The following KCNH7 variants were observed in gnomAD, a reference collection of about 807,000 sequenced individuals.
KCNH7 encodes the protein potassium voltage-gated channel subfamily H member 7, also known as voltage-gated inwardly rectifying potassium channel KCNH7.
KCNH7 carries 49 observed loss-of-function variants against 120.8 expected under a neutral mutation model. The ratio of observed to expected loss-of-function variants is 0.41; its 90% CI spans 0.32 to 0.51. The LOEUF (loss-of-function observed/expected upper bound fraction) is 0.51, where lower values mean the gene tolerates loss of function less well. Ranked by LOEUF, KCNH7 falls within the 20% of genes least tolerant of loss-of-function variation. The pLI is 0.38. For missense variants in KCNH7, 1,097 were observed against 1,446.6 expected (o/e 0.76, Z 3.92); for synonymous variants, 547 against 516.1 (o/e 1.06, Z -0.81).
intron 2 of KCNH7, among the ~76,000 whole-genome samples, chr2:162,698,668 A>G (rs1234883208): frequency 1.3e-5 from 2 of 152,100 alleles, no homozygotes; most frequent in Admixed American, 1.3e-4. Context: ...ATTTACTTAG[A>G]GGAAAAATTA....
chr2:162,578,038 CA>C (rs1693747164), intron 2 of KCNH7, among the ~76,000 whole-genome samples: 2 of 151,914 alleles, frequency 1.3e-5, no homozygotes, highest in South Asian at 4.1e-4. Flanking sequence ...TGCCTAATTC[CA>C]AAATCCATGA....
At chr2:162,385,925 A>AT (rs1686558264) in intron 12 of KCNH7, among the ~76,000 whole-genome samples, 2 of 151,890 alleles carry the variant, frequency 1.3e-5, no homozygotes, top group East Asian at 1.9e-4. Context: ...TTTTCCCTTT[A>AT]TTTTTTTAAA....
intron 11 of KCNH7, 140 bp downstream of exon 11, chr2:162,396,600 A>T (rs1686918200): frequency 8.0e-6 from 5 of 622,714 alleles, no homozygotes; most frequent in Non-Finnish European, 1.4e-5. Context: ...TTTAATATTC[A>T]GTTGGCCTTT....
intron 6 of KCNH7, among the ~76,000 whole-genome samples, chr2:162,464,983 C>A (rs1353406822): frequency 6.6e-6 from 1 of 152,040 alleles, no homozygotes; most frequent in Non-Finnish European, 1.5e-5. Context: ...TTAGGAAAAG[C>A]AACTATTTTT....
At chr2:162,832,075 C>T (rs1271329686) in intron 2 of KCNH7, among the ~76,000 whole-genome samples, 1 of 152,010 alleles carries the variant, frequency 6.6e-6, no homozygotes, top group East Asian at 1.9e-4. Context: ...AAAATTTGGG[C>T]ACATAAGAGA....
intron 2 of KCNH7, among the ~76,000 whole-genome samples, chr2:162,751,892 T>C (rs1247131616): frequency 1.3e-5 from 2 of 151,998 alleles, no homozygotes; most frequent in African/African-American, 2.4e-5. Context: ...AAAAAGAATA[T>C]ACCCCTATAA....
intron 3 of KCNH7, among the ~76,000 whole-genome samples, chr2:162,520,440 C>T (rs1309528029): frequency 1.3e-5 from 2 of 151,678 alleles, no homozygotes; most frequent in Non-Finnish European, 2.9e-5. Context: ...ATTGTCCACC[C>T]TTAAAAATAA....
intron 2 of KCNH7, among the ~76,000 whole-genome samples, chr2:162,616,067 C>T (rs1683130543): frequency 6.6e-6 from 1 of 152,138 alleles, no homozygotes; most frequent in African/African-American, 2.4e-5. Flanking sequence ...ATCAAGCACA[C>T]TTATTTTAAA....
At chr2:162,450,040 T>C (rs1688715163) in intron 6 of KCNH7, among the ~76,000 whole-genome samples, 1 of 152,082 alleles carries the variant, frequency 6.6e-6, no homozygotes, top group African/African-American at 2.4e-5. Context: ...AATGTATTTT[T>C]TGAAAAAGTA....
At chr2:162,631,765 G>A (rs964915140) in intron 2 of KCNH7, among the ~76,000 whole-genome samples, 40 of 151,914 alleles carry the variant, frequency 2.6e-4, no homozygotes, top group African/African-American at 8.9e-4. Context: ...TGAGAAGGAA[G>A]AATTTGAAGT....
chr2:162,610,870 T>A (rs1452890943), intron 2 of KCNH7, among the ~76,000 whole-genome samples: 1 of 152,184 alleles, frequency 6.6e-6, no homozygotes, highest in Non-Finnish European at 1.5e-5. Context: ...AAAAGGACTG[T>A]TCTGTAAGAC....
At chr2:162,517,644 A>G (rs541640151) in intron 4 of KCNH7, 86 bp downstream of exon 4, 3 of 1,152,316 alleles carry the variant, frequency 2.6e-6, no homozygotes, top group Admixed American at 2.4e-5. Context: ...ATGCACAGAG[A>G]TTATTGTTGA....
chr2:162,383,866 T>C (rs947546637), intron 13 of KCNH7, among the ~76,000 whole-genome samples: 1 of 151,884 alleles, frequency 6.6e-6, no homozygotes, highest in Non-Finnish European at 1.5e-5. Context: ...ATTATTCCTC[T>C]TTTAAAGATG....
intron 2 of KCNH7, among the ~76,000 whole-genome samples, chr2:162,833,867 A>C (rs879557477): frequency 6.6e-6 from 1 of 152,180 alleles, no homozygotes; most frequent in Non-Finnish European, 1.5e-5. Flanking sequence ...AAATGGAAGA[A>C]ATGGAAACAG....
intron 6 of KCNH7, among the ~76,000 whole-genome samples, chr2:162,466,851 G>A (rs1037051184): frequency 1.3e-5 from 2 of 152,002 alleles, no homozygotes; most frequent in African/African-American, 4.8e-5. Flanking sequence ...AATGAGGAGA[G>A]GTGATTCAAA....
intron 15 of KCNH7, among the ~76,000 whole-genome samples, 156 bp downstream of exon 15, chr2:162,373,314 A>G (rs1417580310): frequency 6.6e-6 from 1 of 152,210 alleles, no homozygotes; most frequent in African/African-American, 2.4e-5. Context: ...TTTAAAATGC[A>G]GATTACAGGG....
intron 2 of KCNH7, among the ~76,000 whole-genome samples, chr2:162,683,005 G>A (rs1416989138): frequency 1.3e-5 from 2 of 151,796 alleles, no homozygotes; most frequent in African/African-American, 2.4e-5. Context: ...TTCTTCCGAA[G>A]GGTATGGATC....
chr2:162,583,775 C>A (rs929768723), intron 2 of KCNH7, among the ~76,000 whole-genome samples: 2 of 152,028 alleles, frequency 1.3e-5, no homozygotes, highest in Non-Finnish European at 2.9e-5. Context: ...CTGGAAAAAA[C>A]ACCAGCAGTA....
chr2:162,821,867 T>C (rs961619172), intron 2 of KCNH7, among the ~76,000 whole-genome samples: 2 of 152,102 alleles, frequency 1.3e-5, no homozygotes, highest in African/African-American at 4.8e-5. Flanking sequence ...AGTTTACACC[T>C]CACTGTGTGA....
Sources: gnomAD v4.1 joint callset for allele counts (sites outside exome capture counted in the v4.1 genomes callset) on GRCh38, gnomAD v4.1.1 for gene constraint, MANE v1.5 for transcripts, NCBI Gene and HGNC (gene_info 2026-07-23, HGNC 2026-07-21) for gene names.